The following PAPPA2 variants were observed in gnomAD, a reference collection of about 807,000 sequenced individuals.
The protein encoded by PAPPA2 is pappalysin 2.
In PAPPA2, 86 loss-of-function variants were observed where a neutral mutation model predicts 176.4. The ratio of observed to expected loss-of-function variants is 0.49; its 90% CI spans 0.41 to 0.58. PAPPA2 has a LOEUF of 0.58. Among genes scored for constraint, PAPPA2 ranks in the 20% least tolerant of loss-of-function variants. PAPPA2 has a pLI of 0.00. For synonymous variants in PAPPA2, 809 were observed against 852.2 expected (o/e 0.95, Z 0.88); for missense variants, 2,073 against 2,256.9 (o/e 0.92, Z 1.65).
chr1:176,824,070 A>T (rs1666766943), intron 21 of PAPPA2, among the ~76,000 whole-genome samples: 1 of 152,216 alleles, frequency 6.6e-6, no homozygotes, highest in African/African-American at 2.4e-5. Flanking sequence ...TTAAAGATAA[A>T]GTAAACAGGA....
At chr1:176,716,247 T>TC (rs1661365549) in intron 12 of PAPPA2, among the ~76,000 whole-genome samples, 1 of 150,880 alleles carries the variant, frequency 6.6e-6, no homozygotes, top group African/African-American at 2.4e-5. Flanking sequence ...TTTTTTTTTT[T>TC]TCTTTTGTTT....
rs149747538 is a variant in PAPPA2 at position 176,725,791 on chromosome 1, T to G, written c.3798+13810T>G. ...TGAAATATGTCAGAGTTTTCTTTTC[T>G]TTTTTTTGAGACGGAGTCTCGCTCT... On this transcript the variant is annotated intron_variant, in intron 12 of 22. Coordinates refer to ENST00000367662, the MANE Select transcript of PAPPA2 (RefSeq NM_020318.3). Among the ~76,000 whole-genome samples the G allele has an allele frequency of 1.3e-5, 2 of 151,434 alleles. 1 individual carries two copies. Among genetic ancestry groups the G allele is most frequent in the East Asian group, 3.9e-4 (2 of 5,184 alleles).
chr1:176,677,442 G>T (rs894890222), intron 4 of PAPPA2, among the ~76,000 whole-genome samples: 2 of 152,100 alleles, frequency 1.3e-5, no homozygotes, highest in African/African-American at 4.8e-5. Context: ...CTGCCCTTTC[G>T]TATGATTTTG....
At chr1:176,527,395 G>T (rs1054401104) in intron 1 of PAPPA2, among the ~76,000 whole-genome samples, 1 of 152,176 alleles carries the variant, frequency 6.6e-6, no homozygotes, top group African/African-American at 2.4e-5. Context: ...GTGTAAGTTT[G>T]TAGGTGGATA....
At chr1:176,514,938 C>T (rs539518074) in intron 1 of PAPPA2, among the ~76,000 whole-genome samples, 3 of 152,254 alleles carry the variant, frequency 2.0e-5, no homozygotes, top group East Asian at 1.9e-4. Context: ...ACATCTCTAT[C>T]GAGCTCCTAG....
At chr1:176,825,538 G>A (rs1019644123) in intron 21 of PAPPA2, among the ~76,000 whole-genome samples, 1 of 152,154 alleles carries the variant, frequency 6.6e-6, no homozygotes, top group East Asian at 1.9e-4. Flanking sequence ...TGGAGACATT[G>A]GTTATGGGGG....
chr1:176,573,941 G>A (rs919755647), intron 2 of PAPPA2, among the ~76,000 whole-genome samples: 13 of 150,292 alleles, frequency 8.6e-5, no homozygotes, highest in East Asian at 5.8e-4. Context: ...GTGTGTGTTG[G>A]GTGGGAAAGG....
chr1:176,842,211 A>C (rs1195909911), intron 22 of PAPPA2, among the ~76,000 whole-genome samples, 169 bp from the exon 23 acceptor site: 1 of 152,194 alleles, frequency 6.6e-6, no homozygotes, highest in Non-Finnish European at 1.5e-5. Flanking sequence ...CTAAGGCTAC[A>C]TGGTGACATG....
chr1:176,679,360 ACTT>A (rs566077888), intron 4 of PAPPA2, among the ~76,000 whole-genome samples: 167 of 152,240 alleles, frequency 1.1e-3, no homozygotes, highest in African/African-American at 3.9e-3. Context: ...GTTTCCAACT[ACTT>A]AACAGGTGTC....
At chr1:176,679,709 C>A (rs1230827784) in intron 4 of PAPPA2, among the ~76,000 whole-genome samples, 2 of 151,992 alleles carry the variant, frequency 1.3e-5, no homozygotes, top group Non-Finnish European at 2.9e-5. Flanking sequence ...ATGACCAGGC[C>A]AGCGAGATAA....
chr1:176,588,895 G>T (rs1653487684), intron 2 of PAPPA2, among the ~76,000 whole-genome samples: 1 of 152,222 alleles, frequency 6.6e-6, no homozygotes, highest in South Asian at 2.1e-4. Context: ...CAGTCATTTG[G>T]TCAGTCTGAA....
At chr1:176,744,404 A>G (rs1201888358) in intron 14 of PAPPA2, among the ~76,000 whole-genome samples, 1 of 152,172 alleles carries the variant, frequency 6.6e-6, no homozygotes, top group African/African-American at 2.4e-5. Context: ...GCCATGTCCA[A>G]CTACTCCAAG....
intron 1 of PAPPA2, among the ~76,000 whole-genome samples, chr1:176,539,791 C>G (rs188431120): frequency 1.3e-5 from 2 of 152,180 alleles, no homozygotes; most frequent in Admixed American, 1.3e-4. Flanking sequence ...CCACTTTGGT[C>G]CTGTTCCATT....
intron 3 of PAPPA2, among the ~76,000 whole-genome samples, chr1:176,624,450 T>A (rs1655893830): frequency 6.6e-6 from 1 of 152,180 alleles, no homozygotes; most frequent in Non-Finnish European, 1.5e-5. Flanking sequence ...AGCATCATTG[T>A]TTTAGTGATC....
intron 21 of PAPPA2, among the ~76,000 whole-genome samples, chr1:176,835,888 C>G (rs903530952): frequency 6.6e-6 from 1 of 152,034 alleles, no homozygotes; most frequent in African/African-American, 2.4e-5. Flanking sequence ...TACAGGCCCC[C>G]CCAGGTTCTG....
chr1:176,681,289 A>G (rs1384488619), intron 4 of PAPPA2, among the ~76,000 whole-genome samples: 1 of 152,128 alleles, frequency 6.6e-6, no homozygotes, highest in Non-Finnish European at 1.5e-5. Context: ...ATTGTTCTAG[A>G]GAATGTCTGT....
chr1:176,756,787 T>G (rs1006104293), intron 14 of PAPPA2, among the ~76,000 whole-genome samples: 7 of 152,158 alleles, frequency 4.6e-5, no homozygotes, highest in African/African-American at 1.7e-4. Context: ...GGTATACATG[T>G]GCCATGTTGG....
chr1:176,683,107 A>G (rs1325470739), intron 4 of PAPPA2, among the ~76,000 whole-genome samples: 5 of 151,958 alleles, frequency 3.3e-5, no homozygotes, highest in Admixed American at 3.3e-4. Flanking sequence ...CCACTTGGGC[A>G]TTCATGTGTT....
chr1:176,816,170 A>G (rs1380687592), intron 21 of PAPPA2, among the ~76,000 whole-genome samples: 1 of 120,140 alleles, frequency 8.3e-6, no homozygotes, highest in Non-Finnish European at 1.7e-5. Context: ...ATATATATAT[A>G]TATATATATA....
Sources: gnomAD v4.1 joint callset for allele counts (sites outside exome capture counted in the v4.1 genomes callset) on GRCh38, gnomAD v4.1.1 for gene constraint, MANE v1.5 for transcripts, NCBI Gene and HGNC (gene_info 2026-07-23, HGNC 2026-07-21) for gene names.